The following FCHSD2 variants were observed in gnomAD, a reference collection of about 807,000 sequenced individuals.
FCHSD2 encodes the protein F-BAR and double SH3 domains protein 2.
FCHSD2 carries 38 observed loss-of-function variants against 108.1 expected under a neutral mutation model. That is an observed-to-expected ratio of 0.35 (90% CI 0.27 to 0.46). The LOEUF (loss-of-function observed/expected upper bound fraction) is 0.46, where lower values mean the gene tolerates loss of function less well. Ranked by LOEUF, FCHSD2 falls within the 20% of genes least tolerant of loss-of-function variation. The pLI, the probability that FCHSD2 is intolerant of heterozygous loss-of-function variation, is 1.00. For missense variants in FCHSD2, 751 were observed against 897.8 expected, an observed-to-expected ratio of 0.84 and a Z score of 2.09; for synonymous variants, 279 against 314.7, an observed-to-expected ratio of 0.89 and a Z score of 1.20.
At chr11:73,140,297 A>C (rs1288374796) in intron 1 of FCHSD2, among the ~76,000 whole-genome samples, 169 bp from the exon 2 acceptor site, 1 of 152,226 alleles carries the variant, frequency 6.6e-6, no homozygotes, top group Admixed American at 6.5e-5. Context: ...TATTTAATGA[A>C]AAATTAAAGC....
chr11:72,874,953 T>C (rs1854936571), intron 12 of FCHSD2, among the ~76,000 whole-genome samples: 1 of 152,202 alleles, frequency 6.6e-6, no homozygotes, highest in Non-Finnish European at 1.5e-5. Flanking sequence ...ACAGAGCTTT[T>C]AAAAATAGTA....
rs188813535 is a variant in FCHSD2, at chr11:72,977,622, C to T, written c.705+6466G>A. Among the ~76,000 whole-genome samples the T allele has an allele frequency of 4.0e-4, 61 of 152,332 alleles. No individual in the cohort carries two copies. In the East Asian group the frequency reaches 9.4e-3, roughly 24 times the overall value. On this transcript the variant is annotated intron_variant, in intron 8 of 19. Transcript: ENST00000409418. ...AATTTTAGTATATGTGCTGCCGAAG[C>T]GAGCACGCTCTCACACCAGTTAGAA... is the stretch of plus-strand genomic sequence containing the variant.
intron 2 of FCHSD2, among the ~76,000 whole-genome samples, chr11:73,137,780 C>A (rs1429169996): frequency 1.3e-5 from 2 of 152,122 alleles, no homozygotes; most frequent in African/African-American, 4.8e-5. Flanking sequence ...AGTTAGACAA[C>A]CTGACGTCCC....
At chr11:73,041,101 A>G (rs568537387) in intron 3 of FCHSD2, among the ~76,000 whole-genome samples, 5 of 152,324 alleles carry the variant, frequency 3.3e-5, no homozygotes, top group African/African-American at 9.6e-5. Flanking sequence ...TTGTGTATAT[A>G]AACCATATTT....
intron 3 of FCHSD2, among the ~76,000 whole-genome samples, chr11:73,064,877 C>T (rs566323890): frequency 7.2e-5 from 11 of 152,210 alleles, no homozygotes; most frequent in African/African-American, 2.6e-4. Context: ...AGCCTACCAA[C>T]TAAAAAAAGT....
intron 2 of FCHSD2, among the ~76,000 whole-genome samples, chr11:73,132,824 GA>G (rs35412486): frequency 1.4e-3 from 157 of 110,912 alleles, no homozygotes; most frequent in African/African-American, 4.4e-3. Context: ...AACGGTAACA[GA>G]AAAAAAAAAA....
intron 10 of FCHSD2, among the ~76,000 whole-genome samples, chr11:72,898,047 G>C (rs1043070245): frequency 6.6e-6 from 1 of 152,108 alleles, no homozygotes; most frequent in Admixed American, 6.6e-5. Flanking sequence ...CAGCTATTAA[G>C]TTACTACATA....
At chr11:73,001,750 C>T (rs1227444575) in intron 4 of FCHSD2, among the ~76,000 whole-genome samples, 1 of 152,220 alleles carries the variant, frequency 6.6e-6, no homozygotes, top group Non-Finnish European at 1.5e-5. Flanking sequence ...TAGTGTGGCT[C>T]TACATCTGTC....
rs1197926068 is a variant in FCHSD2 at position 72,901,330 on chromosome 11, G to C, written c.924+1213C>G. ...GAGGATCACTTGAGCCCAGGAGAGGGGGGCTGTAGTGAGCTGAGATCACGC... is the reference window on the plus strand; with the variant it reads ...GAGGATCACTTGAGCCCAGGAGAGGCGGGCTGTAGTGAGCTGAGATCACGC... On this transcript the variant is annotated intron_variant, in intron 10 of 19. Transcript: ENST00000409418. Among the ~76,000 whole-genome samples the C allele has an allele frequency of 5.3e-5, 8 of 152,188 alleles. No homozygotes were observed. In the South Asian group the frequency reaches 1.7e-3, roughly 32 times the overall value.
intron 7 of FCHSD2, 134 bp downstream of exon 7, chr11:72,984,928 T>C: frequency 3.9e-6 from 2 of 517,496 alleles, no homozygotes; most frequent in East Asian, 4.3e-5. Flanking sequence ...GGAGGGAAAG[T>C]TCCTCCCTGA....
At chr11:73,088,817 T>C (rs1434962718) in intron 2 of FCHSD2, among the ~76,000 whole-genome samples, 1 of 152,216 alleles carries the variant, frequency 6.6e-6, no homozygotes, top group Non-Finnish European at 1.5e-5. Context: ...CCTATCTATA[T>C]ATTTTGTAGA....
intron 9 of FCHSD2, among the ~76,000 whole-genome samples, chr11:72,919,645 A>G (rs1591398621): frequency 6.6e-6 from 1 of 151,914 alleles, no homozygotes; most frequent in South Asian, 2.1e-4. Context: ...AATATTAGCT[A>G]TCTGTTACGA....
chr11:72,883,977 C>T (rs1016877270), intron 12 of FCHSD2, among the ~76,000 whole-genome samples: 9 of 150,786 alleles, frequency 6.0e-5, no homozygotes, highest in Non-Finnish European at 1.3e-4. Flanking sequence ...ATAATAATAC[C>T]CAAGAAAAAA....
chr11:73,106,397 C>T (rs1860343317), intron 2 of FCHSD2, among the ~76,000 whole-genome samples: 1 of 145,638 alleles, frequency 6.9e-6, no homozygotes, highest in Non-Finnish European at 1.5e-5. Context: ...CAGAATGAGA[C>T]TCTGTCTCCA....
intron 10 of FCHSD2, among the ~76,000 whole-genome samples, chr11:72,895,664 T>C (rs1010681891): frequency 1.3e-5 from 2 of 152,194 alleles, no homozygotes; most frequent in African/African-American, 2.4e-5. Flanking sequence ...GCCTATCACA[T>C]AGATAGTGGA....
intron 2 of FCHSD2, among the ~76,000 whole-genome samples, chr11:73,116,947 TC>T (rs202108873): frequency 4.6e-4 from 25 of 54,440 alleles, no homozygotes; most frequent in African/African-American, 2.3e-3. Flanking sequence ...TTTCCATTTT[TC>T]CCCAAAAAAA....
intron 10 of FCHSD2, among the ~76,000 whole-genome samples, chr11:72,893,794 A>G (rs761628087): frequency 6.6e-6 from 1 of 152,174 alleles, no homozygotes; most frequent in Non-Finnish European, 1.5e-5. Flanking sequence ...ATATTACAAT[A>G]AAGTCTTTTC....
chr11:72,848,837 C>A (rs1591338245), intron 14 of FCHSD2, among the ~76,000 whole-genome samples: 3 of 152,226 alleles, frequency 2.0e-5, no homozygotes, highest in East Asian at 3.9e-4. Context: ...TATCAGGAAA[C>A]AATTCCAATG....
chr11:72,905,907 A>G (rs1855620139), intron 9 of FCHSD2, among the ~76,000 whole-genome samples: 1 of 152,174 alleles, frequency 6.6e-6, no homozygotes, highest in African/African-American at 2.4e-5. Context: ...ATATGTGTGC[A>G]TGTGTCTTTA....
Sources: allele counts gnomAD v4.1 joint callset (sites outside exome capture counted in the v4.1 genomes callset), GRCh38; gene constraint gnomAD v4.1.1; transcripts MANE v1.5; gene names NCBI Gene and HGNC (gene_info 2026-07-23, HGNC 2026-07-21).